SHANK2: variants seen among roughly 807,000 people sequenced by gnomAD.
SHANK2 encodes the protein SH3 and multiple ankyrin repeat domains 2, also known as SH3 and multiple ankyrin repeat domains protein 2.
A neutral mutation model predicts 133.7 loss-of-function variants in SHANK2; 43 were observed. The ratio of observed to expected loss-of-function variants is 0.32; its 90% CI spans 0.25 to 0.41. The LOEUF (loss-of-function observed/expected upper bound fraction) is 0.41. SHANK2 is among the 10% of genes least tolerant of loss of function. SHANK2 has a pLI of 1.00. For missense variants in SHANK2, 1,994 were observed against 2,235.8 expected, an observed-to-expected ratio of 0.89 and a Z score of 2.18; for synonymous variants, 1,017 against 952.8, an observed-to-expected ratio of 1.07 and a Z score of -1.24.
Position 70,473,213 on chromosome 11 carries a change from C to T in SHANK2, c.5206G>A (p.Ala1736Thr), listed in dbSNP as rs373088156. ...GGAAGGCTAAAGACATCTGAGAGAG[C>T]GGGAGAAGGAGAGGCGGTGGCAGCA... ...LSAATASPSP[A>T]LSDVFSLPSQ... The change falls in exon 26 of 26, where the codon GCT becomes ACT. Residue 1736 changes from alanine (A) to threonine (T), a missense_variant. By Grantham distance (58) the Ala-to-Thr change is moderately conservative (BLOSUM62 0). Around this residue, in one of 5 missense-constraint regions of SHANK2, gnomAD observed 797 missense variants for 907.4 expected, o/e 0.88. Transcript: ENST00000601538. The surrounding 1 kb of genome is among the most constrained non-coding windows in gnomAD (Gnocchi z 5.9). 23 of 1,610,450 alleles carry T rather than the reference C, an allele frequency of 1.4e-5. No individual in the cohort carries two copies. Among genetic ancestry groups the T allele is most frequent in the East Asian group, 1.1e-4 (5 of 44,784 alleles).
intron 17 of SHANK2, among the ~76,000 whole-genome samples, chr11:70,531,029 T>C (rs541051818): frequency 6.6e-6 from 1 of 151,262 alleles, no homozygotes; most frequent in Admixed American, 6.6e-5. Flanking sequence ...AATAAATAAA[T>C]AAAACATTCG....
At chr11:70,942,650 T>G (rs1950664085) in intron 10 of SHANK2, 1 of 456,804 alleles carries the variant, frequency 2.2e-6, no homozygotes, top group African/African-American at 2.0e-5. Context: ...TTCTAACAGA[T>G]GAACTTGAGG....
At chr11:70,675,661 T>C (rs1944892304) in intron 15 of SHANK2, among the ~76,000 whole-genome samples, 1 of 152,200 alleles carries the variant, frequency 6.6e-6, no homozygotes, top group Non-Finnish European at 1.5e-5. Context: ...ATTGGTGATT[T>C]ACTGTCCTGC....
intron 10 of SHANK2, among the ~76,000 whole-genome samples, chr11:70,904,043 C>T (rs928516261): frequency 9.2e-5 from 14 of 152,206 alleles, no homozygotes; most frequent in Non-Finnish European, 2.9e-5. Context: ...AATTAGGCAG[C>T]CCCTGCTATC....
chr11:71,170,636 C>G lies in SHANK2; in HGVS notation c.-12-23298G>C, dbSNP rs146260019. 5.7e-3 allele frequency among the ~76,000 whole-genome samples: 874 copies of G among 152,286 alleles called. 3 individuals carry two copies. Among genetic ancestry groups the G allele is most frequent in the Non-Finnish European group, 0.01 (702 of 68,014 alleles). On this transcript the variant is annotated intron_variant, in intron 2 of 25. Coordinates refer to ENST00000601538, the MANE Select transcript of SHANK2 (RefSeq NM_012309.5). ...TGGGCTTCCGCTGGTGCTCCTTGCCCAGACCCCAAATAGTAGGGACCGGCT... is the reference window on the plus strand; with the variant it reads ...TGGGCTTCCGCTGGTGCTCCTTGCCGAGACCCCAAATAGTAGGGACCGGCT...
At position 71,175,556 on chromosome 11, in the gene SHANK2, GAGAGAGAGAGAGAGAGAGAGAGA is replaced by G. The variant is rs1565496340; in HGVS notation, c.-12-28241_-12-28219del. ...AGACAGAGGGAGAGGGAGAGGGAGA[GAGAGAGAGAGAGAGAGAGAGAGA>G]GAGAGAGAGAGAGAGAGAGAGAGAC... On this transcript the variant is annotated intron_variant, in intron 2 of 25. Transcript: ENST00000601538. The surrounding 1 kb of genome is among the most constrained non-coding windows in gnomAD (Gnocchi z 4.2). 0.11 allele frequency among the ~76,000 whole-genome samples: 6,175 copies of G among 58,572 alleles called. 247 individuals carry two copies. Among genetic ancestry groups the G allele is most frequent in the Non-Finnish European group, 0.13 (4,179 of 32,704 alleles). 38.4% of individuals were successfully genotyped at this position (58,572 alleles called of 152,430 possible). A position where few individuals can be genotyped will look rare whatever the true frequency, so the allele number is the denominator to read the frequency against.
intron 11 of SHANK2, among the ~76,000 whole-genome samples, chr11:70,831,841 G>C (rs1203612652): frequency 6.6e-6 from 1 of 152,226 alleles, no homozygotes; most frequent in Non-Finnish European, 1.5e-5. Context: ...GTGCCCATGT[G>C]GTTTGGAAAG....
At chr11:70,935,920 T>G (rs1555083379) in intron 10 of SHANK2, among the ~76,000 whole-genome samples, 1 of 152,132 alleles carries the variant, frequency 6.6e-6, no homozygotes, top group East Asian at 1.9e-4. Flanking sequence ...GACGTGCCCA[T>G]CATGAACAGC....
At chr11:71,174,487 T>C (rs7932723) in intron 2 of SHANK2, among the ~76,000 whole-genome samples, 106,039 of 151,396 alleles carry the variant, frequency 0.7, 38,294 homozygotes, top group East Asian at 0.95. Flanking sequence ...TGAGACCAGC[T>C]TGGCCAACAT....
chr11:70,643,299 C>G (rs183576259), intron 17 of SHANK2, among the ~76,000 whole-genome samples: 2 of 152,098 alleles, frequency 1.3e-5, no homozygotes, highest in Non-Finnish European at 2.9e-5. Flanking sequence ...TGCGGTGGCT[C>G]ACACCTGTAA....
intron 17 of SHANK2, among the ~76,000 whole-genome samples, chr11:70,650,305 T>A (rs1233579506): frequency 2.0e-5 from 3 of 152,190 alleles, no homozygotes; most frequent in African/African-American, 7.2e-5. Flanking sequence ...CACTAAGTAA[T>A]GAGCCTCTAT....
chr11:71,086,706 T>C (rs1389495427), intron 8 of SHANK2, among the ~76,000 whole-genome samples: 1 of 151,624 alleles, frequency 6.6e-6, no homozygotes, highest in East Asian at 1.9e-4. Flanking sequence ...ACTGTGGCAT[T>C]TACCGGGCCA....
At chr11:70,605,273 T>A (rs567866677) in intron 17 of SHANK2, among the ~76,000 whole-genome samples, 1 of 152,164 alleles carries the variant, frequency 6.6e-6, no homozygotes, top group African/African-American at 2.4e-5. Flanking sequence ...GCCCCGGGGG[T>A]GGGAACACCC....
chr11:71,101,509 C>G (rs1951716034), intron 6 of SHANK2, among the ~76,000 whole-genome samples: 1 of 152,248 alleles, frequency 6.6e-6, no homozygotes, highest in African/African-American at 2.4e-5. Flanking sequence ...AGTCTTCCAG[C>G]TCCTTCATTG....
intron 17 of SHANK2, among the ~76,000 whole-genome samples, chr11:70,656,277 T>C (rs2134240228): frequency 6.6e-6 from 1 of 152,282 alleles, no homozygotes; most frequent in East Asian, 1.9e-4. Context: ...GCTCTAATCA[T>C]TATGAAAACC....
At chr11:70,622,683 A>G (rs2060846511) in intron 17 of SHANK2, among the ~76,000 whole-genome samples, 1 of 152,184 alleles carries the variant, frequency 6.6e-6, no homozygotes, top group South Asian at 2.1e-4. Flanking sequence ...ATCCTTAACT[A>G]TAAATGACAT....
At chr11:70,833,088 C>T (rs1402513119) in intron 11 of SHANK2, among the ~76,000 whole-genome samples, 7 of 152,262 alleles carry the variant, frequency 4.6e-5, no homozygotes, top group African/African-American at 1.7e-4. Flanking sequence ...TCCCCAGCTG[C>T]TGTGGTTTCG....
rs61886406 is a variant in SHANK2 at position 70,674,144 on chromosome 11, A to G, written c.1854-12466T>C. Among the ~76,000 whole-genome samples the G allele has an allele frequency of 3.8e-3, 575 of 152,228 alleles. 6 individuals are homozygous for G. Among genetic ancestry groups the G allele is most frequent in the Non-Finnish European group, 5.5e-3 (376 of 68,006 alleles). On this transcript the variant is annotated intron_variant, in intron 15 of 25. Transcript: ENST00000601538. ...TCCTCCTCTCTTGCCATGTGATGCC[A>G]GCTCCCCTTAGCCTTCCGCCATGAG...
rs550625433 is a variant in SHANK2 at position 70,472,899 on chromosome 11, T to G, written c.5520A>C (p.Glu1840Asp). 7.4e-6 allele frequency: 12 copies of G among 1,614,176 alleles called. No individual in the cohort carries two copies. The highest frequency in any genetic ancestry group is 6.6e-5 in the South Asian group (6 of 91,082). Reference protein sequence around the residue: ...VTRVGHRMNIERALKQLLDR With the variant: ...VTRVGHRMNIDRALKQLLDR The stretch of plus-strand genomic sequence containing the variant: ...TGTCCAGCAGCTGTTTCAAAGCCCT[T>G]TCTATGTTCATTCTGTGCCCGACTC... The change falls in exon 26 of 26, where the codon GAA becomes GAC. Residue 1840 changes from glutamate to aspartate, a missense_variant. Glu to Asp is a conservative substitution (Grantham distance 45). Transcript: ENST00000601538. The surrounding 1 kb of genome is among the most constrained non-coding windows in gnomAD (Gnocchi z 4.4).
Sources: gnomAD v4.1 joint callset for allele counts (sites outside exome capture counted in the v4.1 genomes callset) on GRCh38, gnomAD v4.1.1 for gene constraint, gnomAD v4.1.1 regional missense constraint, Gnocchi (gnomAD v3.1) non-coding constraint, MANE v1.5 for transcripts, NCBI Gene and HGNC (gene_info 2026-07-23, HGNC 2026-07-21) for gene names.